Variants in PAG1 observed in about 807,000 individuals in gnomAD.
The protein encoded by PAG1 is phosphoprotein membrane anchor with glycosphingolipid microdomains 1, also known as phosphoprotein associated with glycosphingolipid-enriched microdomains 1.
In PAG1, 23 loss-of-function variants were observed where a neutral mutation model predicts 31.7. The observed-to-expected ratio is 0.73, with a 90% CI of 0.52 to 1.03. The LOEUF (loss-of-function observed/expected upper bound fraction) is 1.03. PAG1 is among the 50% of genes least tolerant of loss of function. The pLI, the probability that PAG1 is intolerant of heterozygous loss-of-function variation, is 0.00. For synonymous variants in PAG1, 214 were observed against 210.3 expected (o/e 1.02, Z -0.15); for missense variants, 473 against 540.7 (o/e 0.87, Z 1.24).
chr8:80,988,165 T>A (rs533104271), intron 5 of PAG1, among the ~76,000 whole-genome samples: 1 of 151,596 alleles, frequency 6.6e-6, no homozygotes, highest in South Asian at 2.1e-4. Flanking sequence ...ATAGGCAGGT[T>A]GTGAGATATC....
intron 8 of PAG1, among the ~76,000 whole-genome samples, chr8:80,977,605 G>A (rs575244648): frequency 9.8e-5 from 15 of 152,300 alleles, no homozygotes; most frequent in African/African-American, 3.4e-4. Flanking sequence ...GCGTATTACT[G>A]GTTAAACAGA....
chr8:80,979,277 G>A (rs1444524186), intron 8 of PAG1, among the ~76,000 whole-genome samples: 1 of 152,184 alleles, frequency 6.6e-6, no homozygotes, highest in Non-Finnish European at 1.5e-5. Context: ...GGATCACTTT[G>A]GCTGCAGAGT....
intron 3 of PAG1, among the ~76,000 whole-genome samples, chr8:81,020,253 A>G (rs1808139899): frequency 6.6e-6 from 1 of 152,158 alleles, no homozygotes; most frequent in Admixed American, 6.5e-5. Context: ...GAAATGAGTT[A>G]AGACTTTGGG....
chr8:81,024,115 A>G (rs959155331), intron 3 of PAG1, among the ~76,000 whole-genome samples: 1 of 152,246 alleles, frequency 6.6e-6, no homozygotes, highest in Non-Finnish European at 1.5e-5. Context: ...GTCCTGAAGC[A>G]GTATTATTTT....
intron 1 of PAG1, among the ~76,000 whole-genome samples, chr8:81,077,653 A>G (rs1306929496): frequency 6.6e-6 from 1 of 152,244 alleles, no homozygotes; most frequent in East Asian, 1.9e-4. Context: ...GAAATCTGAA[A>G]GGAATTTGTT....
At chr8:81,064,675 G>A (rs1808974135) in intron 2 of PAG1, among the ~76,000 whole-genome samples, 1 of 150,868 alleles carries the variant, frequency 6.6e-6, no homozygotes, top group Admixed American at 6.6e-5. Context: ...TTTCATGTCA[G>A]GCACCTCGGG....
intron 1 of PAG1, among the ~76,000 whole-genome samples, chr8:81,110,273 A>C (rs1809753549): frequency 4.6e-5 from 7 of 152,174 alleles, no homozygotes; most frequent in Admixed American, 4.6e-4. Flanking sequence ...TCTTAATATG[A>C]CCTATTTTGT....
intron 3 of PAG1, among the ~76,000 whole-genome samples, chr8:81,023,023 T>C (rs1300574257): frequency 1.3e-5 from 2 of 152,180 alleles, no homozygotes; most frequent in Non-Finnish European, 2.9e-5. Context: ...TCTTTAAAGA[T>C]TTCATGTTTT....
At chr8:81,064,022 A>T (rs1200987624) in intron 2 of PAG1, among the ~76,000 whole-genome samples, 2 of 148,872 alleles carry the variant, frequency 1.3e-5, no homozygotes, top group East Asian at 3.8e-4. Context: ...CAAACTGGAG[A>T]TCTCAGAGCA....
At chr8:81,005,370 G>A (rs1807857059) in intron 3 of PAG1, among the ~76,000 whole-genome samples, 2 of 152,140 alleles carry the variant, frequency 1.3e-5, no homozygotes, top group Admixed American at 1.3e-4. Flanking sequence ...CCAATTTAGG[G>A]AAGTTAAAAT....
intron 5 of PAG1, among the ~76,000 whole-genome samples, chr8:80,989,519 G>A (rs778633366): frequency 7.2e-5 from 11 of 152,210 alleles, no homozygotes; most frequent in Non-Finnish European, 1.3e-4. Context: ...GGGTAAGCAT[G>A]CGTTCCTGTG....
intron 1 of PAG1, among the ~76,000 whole-genome samples, chr8:81,104,580 A>G (rs1371944281): frequency 6.6e-6 from 1 of 152,034 alleles, no homozygotes; most frequent in Non-Finnish European, 1.5e-5. Context: ...CAGTGCATAA[A>G]TCCACAACCT....
chr8:81,012,975 T>C (rs755745447), intron 3 of PAG1, among the ~76,000 whole-genome samples: 5 of 152,236 alleles, frequency 3.3e-5, no homozygotes, highest in Non-Finnish European at 7.3e-5. Context: ...CCTACCCATG[T>C]CCGTCAACTC....
At chr8:81,086,237 T>A (rs1464490151) in intron 1 of PAG1, among the ~76,000 whole-genome samples, 1 of 152,020 alleles carries the variant, frequency 6.6e-6, no homozygotes, top group Non-Finnish European at 1.5e-5. Flanking sequence ...CGCCTCGGCC[T>A]CCCAAAGTGC....
At chr8:81,019,744 A>T (rs1297004504) in intron 3 of PAG1, among the ~76,000 whole-genome samples, 1 of 152,226 alleles carries the variant, frequency 6.6e-6, no homozygotes, top group Non-Finnish European at 1.5e-5. Context: ...GAAAATGTGG[A>T]GTTGATACCC....
At chr8:81,014,504 C>G (rs1264589251) in intron 3 of PAG1, among the ~76,000 whole-genome samples, 1 of 152,208 alleles carries the variant, frequency 6.6e-6, no homozygotes, top group Non-Finnish European at 1.5e-5. Context: ...AAAGCAACAC[C>G]ATCAGCAAAC....
chr8:81,018,375 G>C (rs916533535), intron 3 of PAG1, among the ~76,000 whole-genome samples: 7 of 152,128 alleles, frequency 4.6e-5, no homozygotes, highest in Non-Finnish European at 8.8e-5. Flanking sequence ...ATATGATTTT[G>C]AGCTCAGATT....
intron 2 of PAG1, among the ~76,000 whole-genome samples, chr8:81,045,195 TG>T (rs1722267032): frequency 6.6e-6 from 1 of 152,174 alleles, no homozygotes; most frequent in African/African-American, 2.4e-5. Context: ...ACATGTCTCA[TG>T]TAATGAGGTA....
chr8:81,105,392 T>C (rs923986211), intron 1 of PAG1, among the ~76,000 whole-genome samples: 1 of 152,184 alleles, frequency 6.6e-6, no homozygotes, highest in Non-Finnish European at 1.5e-5. Context: ...AGTCACTAAA[T>C]TTGACTGAAA....
Sources: gnomAD v4.1 joint callset for allele counts (sites outside exome capture counted in the v4.1 genomes callset) on GRCh38, gnomAD v4.1.1 for gene constraint, MANE v1.5 for transcripts, NCBI Gene and HGNC (gene_info 2026-07-23, HGNC 2026-07-21) for gene names.